Variants in PSMA3 observed in about 807,000 individuals in gnomAD.
PSMA3 encodes proteasome subunit alpha type-3.
Under a neutral mutation model 40.0 loss-of-function variants are expected in PSMA3, and 8 were observed. The ratio of observed to expected loss-of-function variants is 0.20; its 90% CI spans 0.12 to 0.36. The LOEUF is 0.36. PSMA3 is among the 10% of genes least tolerant of loss of function. The pLI is 1.00. For missense variants in PSMA3, 219 were observed against 310.6 expected (o/e 0.70, Z 2.22); for synonymous variants, 110 against 100.0 (o/e 1.10, Z -0.59).
chr14:58,265,401 T>C (rs533951985), intron 7 of PSMA3: 42 of 152,336 alleles, frequency 2.8e-4, no homozygotes, highest in African/African-American at 9.1e-4. Flanking sequence ...AGGAACACTT[T>C]CAGTTTGTGA....
Position 58,257,739 on chromosome 14 carries a change from T to C in PSMA3, c.229-6T>C. 1.2e-6 allele frequency: 2 copies of C among 1,606,724 alleles called. No homozygotes were observed. The highest frequency in any genetic ancestry group is 1.7e-6 in the Non-Finnish European group (2 of 1,174,434). ...TTCCTCTAGTAAATTGGTGCTTTTT[T>C]TTCAGGCAGTAGCAGGTTTGTTGGC... On this transcript the variant is annotated splice_region_variant and splice_polypyrimidine_tract_variant and intron_variant, in intron 3 of 10. Coordinates refer to ENST00000216455, the MANE Select transcript of PSMA3 (RefSeq NM_002788.4).
At chr14:58,264,732 T>TAA (rs1890387048) in intron 7 of PSMA3, 1 of 152,212 alleles carries the variant, frequency 6.6e-6, no homozygotes, top group South Asian at 2.1e-4. Context: ...TTGTTTCGTA[T>TAA]TTTAGTAAAG....
intron 3 of PSMA3, among the ~76,000 whole-genome samples, chr14:58,257,170 G>A (rs28480433): frequency 0.037 from 5,603 of 150,716 alleles, 337 homozygotes; most frequent in African/African-American, 0.13. Context: ...GGTAGTGGTA[G>A]TAAATCAGGG....
chr14:58,257,958 G>A lies in PSMA3; in HGVS notation c.364G>A (p.Ala122Thr). The A allele has an allele frequency of 1.2e-6, 2 of 1,614,012 alleles. No individual in the cohort carries two copies. The highest frequency in any genetic ancestry group is 1.7e-6 in the Non-Finnish European group (2 of 1,179,912). The change falls in exon 5 of 11, where the codon GCA becomes ACA. Residue 122 changes from alanine to threonine, a missense_variant. Ala to Thr is a moderately conservative substitution (Grantham distance 58). Coordinates refer to ENST00000216455, the MANE Select transcript of PSMA3 (RefSeq NM_002788.4). Reference sequence around the variant, plus strand: ...AGACAGAGTGGCCATGTATGTGCATGCATATACACTCTACAGTGCTGTTAG... The same window carrying A: ...AGACAGAGTGGCCATGTATGTGCATACATATACACTCTACAGTGCTGTTAG... ...LADRVAMYVH[A>T]YTLYSAVRPF...
intron 6 of PSMA3, among the ~76,000 whole-genome samples, chr14:58,261,993 C>T (rs1890296526): frequency 1.3e-5 from 2 of 151,740 alleles, no homozygotes; most frequent in Admixed American, 6.6e-5. Flanking sequence ...GTGGCTCGAT[C>T]TTGGTTCACT....
chr14:58,260,741 C>T (rs1890258038), intron 5 of PSMA3, among the ~76,000 whole-genome samples: 1 of 146,924 alleles, frequency 6.8e-6, no homozygotes, highest in Admixed American at 6.7e-5. Flanking sequence ...AAGATTAATA[C>T]TAAACAAACA....
Position 58,262,585 on chromosome 14 carries a change from CAG to C in PSMA3, c.478-1117_478-1116del, listed in dbSNP as rs1491143763. Among the ~76,000 whole-genome samples, 57 of 146,806 alleles carry C rather than the reference CAG, an allele frequency of 3.9e-4. 1 individual carries two copies. The highest frequency in any genetic ancestry group is 7.2e-3 in the Middle Eastern group (2 of 276). On this transcript the variant is annotated intron_variant, in intron 6 of 10. Coordinates refer to ENST00000216455, the MANE Select transcript of PSMA3 (RefSeq NM_002788.4). Reference sequence around the variant, plus strand: ...TTACCATTTTTTTTTTTTTTTGAGACAGAGTCTTGCTCAGTTGCCCAGGCTGG... The same window carrying C: ...TTACCATTTTTTTTTTTTTTTGAGACAGTCTTGCTCAGTTGCCCAGGCTGG...
rs556590311 is a variant in PSMA3 at position 58,266,183 on chromosome 14, T to G, written c.544-1291T>G. 8 of 152,328 alleles carry G rather than the reference T, an allele frequency of 5.3e-5. No homozygotes were observed. The East Asian group carries it at 1.5e-3, about 29-fold the overall frequency. 9.4% of individuals were successfully genotyped at this position (152,328 alleles called of 1,614,324 possible). ...TAATGGTTTGTCTATTTCCTAAAAGTAGTACTCTTAAATTTAAATTTAGTG... is the reference window on the plus strand; with the variant it reads ...TAATGGTTTGTCTATTTCCTAAAAGGAGTACTCTTAAATTTAAATTTAGTG... On this transcript the variant is annotated intron_variant, in intron 7 of 10. Transcript: ENST00000216455.
intron 5 of PSMA3, chr14:58,258,600 TCA>T (rs1488691905): frequency 1.3e-5 from 2 of 152,168 alleles, no homozygotes; most frequent in African/African-American, 4.8e-5. Flanking sequence ...AAATTACGTC[TCA>T]CAATTCCCAT....
In PSMA3 at chr14:58,263,123, C is replaced by A. The variant is rs368862334; in HGVS notation, c.478-582C>A. On this transcript the variant is annotated intron_variant, in intron 6 of 10. Transcript: ENST00000216455. ...TCAGCCTCTGGAGTAGCTGGCATTA[C>A]AGGCACCTGCCACCACACCTAGCTA... Among the ~76,000 whole-genome samples, 4 of 151,914 alleles carry A rather than the reference C, an allele frequency of 2.6e-5. No homozygotes were observed. In the East Asian group the frequency reaches 5.8e-4, roughly 22 times the overall value.
rs764507535 is a variant in PSMA3, at chr14:58,244,902, T to C, written c.-19T>C. The C allele has an allele frequency of 1.5e-5, 25 of 1,614,036 alleles. No individual in the cohort carries two copies. The highest frequency in any genetic ancestry group is 1.9e-5 in the Non-Finnish European group (23 of 1,180,022). ...GCTCCGGGCCTGGAATCCCTACGCG[T>C]CCCTTTGGGTTTAGCACGATGAGCT... is the stretch of plus-strand genomic sequence containing the variant. On this transcript the variant is annotated 5_prime_UTR_variant, in exon 1 of 11. Transcript: ENST00000216455.
At chr14:58,248,931 C>G (rs1237334579) in intron 2 of PSMA3, among the ~76,000 whole-genome samples, 2 of 152,128 alleles carry the variant, frequency 1.3e-5, no homozygotes, top group African/African-American at 4.8e-5. Context: ...CCACTGCACT[C>G]CAGCCTAAGC....
intron 6 of PSMA3, among the ~76,000 whole-genome samples, chr14:58,263,036 G>A (rs1214963715): frequency 6.8e-6 from 1 of 147,568 alleles, no homozygotes; most frequent in Non-Finnish European, 1.5e-5. Flanking sequence ...AGGCTGGAGT[G>A]CAGTGGCGCG....
chr14:58,257,886 TAGA>T lies in PSMA3; in HGVS notation c.331-36_331-34del, dbSNP rs749214676. The T allele has an allele frequency of 2.5e-6, 4 of 1,612,610 alleles. 1 individual carries two copies. The South Asian group carries it at 4.4e-5, about 18-fold the overall frequency. ...TATTGAGGAACCTTTTGGACAGTAATAGAAGTTTATTAATAAGCTCTTCTGCTT... is the reference window on the plus strand; with the variant it reads ...TATTGAGGAACCTTTTGGACAGTAATAGTTTATTAATAAGCTCTTCTGCTT... On this transcript the variant is annotated intron_variant, in intron 4 of 10. Coordinates refer to ENST00000216455, the MANE Select transcript of PSMA3 (RefSeq NM_002788.4).
chr14:58,260,883 T>C, intron 5 of PSMA3, 65 bp from the exon 6 acceptor site: 1 of 1,196,904 alleles, frequency 8.4e-7, no homozygotes, highest in South Asian at 1.3e-5. Context: ...CATTTTAAAA[T>C]AATTTTTTCA....
chr14:58,255,872 G>A (rs1383244724), intron 3 of PSMA3, among the ~76,000 whole-genome samples: 1 of 152,154 alleles, frequency 6.6e-6, no homozygotes, highest in African/African-American at 2.4e-5. Context: ...TTTTGTTTTT[G>A]TTTTGAGACA....
intron 9 of PSMA3, 95 bp downstream of exon 9, chr14:58,270,580 G>A (rs1310145000): frequency 2.0e-5 from 31 of 1,564,718 alleles, no homozygotes; most frequent in Non-Finnish European, 2.6e-5. Flanking sequence ...GAAAGCTAAA[G>A]CAAATTTACT....
At chr14:58,269,437 T>A (rs1290567067) in intron 8 of PSMA3, 1 of 152,126 alleles carries the variant, frequency 6.6e-6, no homozygotes, top group African/African-American at 2.4e-5. Flanking sequence ...TAGTTTTTTT[T>A]TTTTTATTTT....
chr14:58,251,899 G>A (rs549830953), intron 2 of PSMA3, among the ~76,000 whole-genome samples: 1 of 152,046 alleles, frequency 6.6e-6, no homozygotes, highest in South Asian at 2.1e-4. Context: ...TATATTTTTA[G>A]TCAAATGATG....
Sources: gnomAD v4.1 joint callset for allele counts (sites outside exome capture counted in the v4.1 genomes callset) on GRCh38, gnomAD v4.1.1 for gene constraint, MANE v1.5 for transcripts, NCBI Gene and HGNC (gene_info 2026-07-23, HGNC 2026-07-21) for gene names.